OTUD7A: variants seen among roughly 807,000 people sequenced by gnomAD.
OTUD7A encodes OTU deubiquitinase 7A.
OTUD7A carries 12 observed loss-of-function variants against 65.7 expected under a neutral mutation model. The observed-to-expected ratio is 0.18, with a 90% CI of 0.12 to 0.30. The LOEUF (loss-of-function observed/expected upper bound fraction) is 0.30. Ranked by LOEUF, OTUD7A falls within the 10% of genes least tolerant of loss-of-function variation. The pLI is 1.00. For synonymous variants in OTUD7A, 641 were observed against 586.3 expected (o/e 1.09, Z -1.35); for missense variants, 1,148 against 1,304.8 (o/e 0.88, Z 1.85).
At chr15:31,836,299 C>A (rs1897053861) in intron 1 of OTUD7A, among the ~76,000 whole-genome samples, 1 of 152,184 alleles carries the variant, frequency 6.6e-6, no homozygotes, top group Non-Finnish European at 1.5e-5. Flanking sequence ...ATCCCCAGGG[C>A]AGGCCATTTT....
intron 3 of OTUD7A, among the ~76,000 whole-genome samples, chr15:31,589,480 T>TC (rs1889654379): frequency 6.6e-6 from 1 of 150,660 alleles, no homozygotes; most frequent in East Asian, 1.9e-4. Flanking sequence ...TTTTTTTTTT[T>TC]TCTGTAGAGA....
chr15:31,494,781 C>T (rs974208785), intron 10 of OTUD7A, among the ~76,000 whole-genome samples: 1 of 152,212 alleles, frequency 6.6e-6, no homozygotes, highest in African/African-American at 2.4e-5. Context: ...ACATCCAGGG[C>T]AGTGAGTGCT....
rs543352564 is a variant in OTUD7A at position 31,857,113 on chromosome 15, C to T, written c.-100+13394G>A. 1.6e-4 allele frequency among the ~76,000 whole-genome samples: 24 copies of T among 152,324 alleles called. No individual in the cohort carries two copies. The South Asian group carries it at 3.3e-3, about 21-fold the overall frequency. ...AAAGAAGTGAGACACTTCCTTGAGA[C>T]GCCTCAGCTCCCAGGCTGATTTTAG... is the stretch of plus-strand genomic sequence containing the variant. On this transcript the variant is annotated intron_variant, in intron 1 of 12. Coordinates refer to ENST00000307050, the MANE Select transcript of OTUD7A (RefSeq NM_001382637.1).
chr15:31,824,692 T>A (rs1896759669), intron 1 of OTUD7A, among the ~76,000 whole-genome samples: 1 of 152,336 alleles, frequency 6.6e-6, no homozygotes, highest in African/African-American at 2.4e-5. Flanking sequence ...AAGACTCTCC[T>A]AAGTTATAAT....
chr15:31,510,006 T>C (rs1191596181), intron 8 of OTUD7A, among the ~76,000 whole-genome samples: 1 of 152,034 alleles, frequency 6.6e-6, no homozygotes, highest in Non-Finnish European at 1.5e-5. Context: ...TTTCCTTTTT[T>C]TTTCCCGGTC....
intron 1 of OTUD7A, among the ~76,000 whole-genome samples, chr15:31,870,237 C>T (rs1480065973): frequency 6.7e-6 from 1 of 148,854 alleles, no homozygotes; most frequent in Non-Finnish European, 1.5e-5. Flanking sequence ...GAGAGAGGCG[C>T]GCCACGCCGG....
At chr15:31,836,957 C>T (rs148289054) in intron 1 of OTUD7A, among the ~76,000 whole-genome samples, 21 of 152,282 alleles carry the variant, frequency 1.4e-4, no homozygotes, top group African/African-American at 5.1e-4. Flanking sequence ...CTCACCATTG[C>T]TATTCCACAT....
At chr15:31,693,658 C>T (rs1345082563) in intron 1 of OTUD7A, among the ~76,000 whole-genome samples, 2 of 152,146 alleles carry the variant, frequency 1.3e-5, no homozygotes, top group Admixed American at 6.5e-5. Context: ...GTGTCTGGGG[C>T]GCTCCAGGTG....
At chr15:31,725,006 G>T (rs932383686) in intron 1 of OTUD7A, among the ~76,000 whole-genome samples, 5 of 152,184 alleles carry the variant, frequency 3.3e-5, no homozygotes, top group African/African-American at 1.2e-4. Context: ...AAGCCTCTGG[G>T]CTGTGAGTGA....
chr15:31,591,828 C>T (rs752955762), intron 3 of OTUD7A, among the ~76,000 whole-genome samples: 7 of 152,186 alleles, frequency 4.6e-5, no homozygotes, highest in Non-Finnish European at 5.9e-5. Flanking sequence ...ATTGTGCGAA[C>T]GAACATCACC....
rs375894080 is a variant in OTUD7A, at chr15:31,575,657, T to C, written c.152-5460A>G. Among the ~76,000 whole-genome samples the C allele has an allele frequency of 1.1e-4, 16 of 152,300 alleles. No individual in the cohort carries two copies. In the South Asian group the frequency reaches 3.1e-3, roughly 30 times the overall value. ...AGAGCAGCCACTATAAGCCTATGAC[T>C]GTGGAAGAAGGATAAAAAGCCAGGA... On this transcript the variant is annotated intron_variant, in intron 3 of 12. Transcript: ENST00000307050.
At chr15:31,743,063 C>A (rs936009623) in intron 1 of OTUD7A, among the ~76,000 whole-genome samples, 1 of 152,090 alleles carries the variant, frequency 6.6e-6, no homozygotes, top group Non-Finnish European at 1.5e-5. Context: ...ACAGAAAAGG[C>A]ACGGATATAG....
At chr15:31,764,790 T>C (rs1423016947) in intron 1 of OTUD7A, among the ~76,000 whole-genome samples, 5 of 152,170 alleles carry the variant, frequency 3.3e-5, no homozygotes, top group African/African-American at 4.8e-5. Context: ...TAGGCTGTTT[T>C]AAAACTCCTC....
At chr15:31,586,564 C>A (rs1386641728) in intron 3 of OTUD7A, among the ~76,000 whole-genome samples, 1 of 152,096 alleles carries the variant, frequency 6.6e-6, no homozygotes. Flanking sequence ...TCTTTGAGTC[C>A]CAGTTTTGGC....
chr15:31,539,753 AG>A (rs1384069570), intron 5 of OTUD7A, among the ~76,000 whole-genome samples: 1 of 152,236 alleles, frequency 6.6e-6, no homozygotes, highest in African/African-American at 2.4e-5. Context: ...CAAATGATTC[AG>A]AAAAAGTGTA....
At chr15:31,610,609 A>ATTTTTTT (rs1566942812) in intron 3 of OTUD7A, among the ~76,000 whole-genome samples, 9 of 39,774 alleles carry the variant, frequency 2.3e-4, no homozygotes, top group Non-Finnish European at 4.0e-4. Flanking sequence ...ATATATATAT[A>ATTTTTTT]TATATATATT....
chr15:31,595,605 C>T (rs2141204338), intron 3 of OTUD7A, among the ~76,000 whole-genome samples: 1 of 152,348 alleles, frequency 6.6e-6, no homozygotes, highest in South Asian at 2.1e-4. Flanking sequence ...CAAAGTATCA[C>T]ACACATAGTA....
chr15:31,615,660 G>C (rs1057419065), intron 3 of OTUD7A, among the ~76,000 whole-genome samples: 2 of 152,170 alleles, frequency 1.3e-5, no homozygotes, highest in Admixed American at 6.5e-5. Flanking sequence ...TTGTGAACAT[G>C]GAACGTTTAC....
intron 1 of OTUD7A, among the ~76,000 whole-genome samples, chr15:31,834,506 TCTC>T (rs752513021): frequency 1.3e-5 from 2 of 152,244 alleles, no homozygotes; most frequent in African/African-American, 2.4e-5. Flanking sequence ...TTATTTCTTC[TCTC>T]CTATTCTAGC....
Sources: gnomAD v4.1 joint callset for allele counts (sites outside exome capture counted in the v4.1 genomes callset) on GRCh38, gnomAD v4.1.1 for gene constraint, MANE v1.5 for transcripts, NCBI Gene and HGNC (gene_info 2026-07-23, HGNC 2026-07-21) for gene names.